Variants in TCF12 observed in about 807,000 individuals in gnomAD.
TCF12 encodes DNA-binding protein HTF4.
A neutral mutation model predicts 86.0 loss-of-function variants in TCF12; 45 were observed. That is an observed-to-expected ratio of 0.52 (90% CI 0.41 to 0.67). TCF12 has a LOEUF of 0.67. TCF12 is among the 30% of genes least tolerant of loss of function. The pLI, the probability that TCF12 is intolerant of heterozygous loss-of-function variation, is 0.00. For synonymous variants in TCF12, 330 were observed against 299.6 expected, an observed-to-expected ratio of 1.10 and a Z score of -1.05; for missense variants, 881 against 859.9, an observed-to-expected ratio of 1.02 and a Z score of -0.31.
intron 13 of TCF12, chr15:57,248,126 T>C: frequency 2.8e-6 from 2 of 702,276 alleles, no homozygotes; most frequent in South Asian, 3.0e-5. Flanking sequence ...TTAAAAATTA[T>C]TTTAAGGATC....
At chr15:57,048,512 C>T (rs1193212737) in intron 3 of TCF12, among the ~76,000 whole-genome samples, 1 of 152,124 alleles carries the variant, frequency 6.6e-6, no homozygotes, top group African/African-American at 2.4e-5. Context: ...CTGCCCTCCT[C>T]GGCCTCCCAA....
intron 3 of TCF12, among the ~76,000 whole-genome samples, chr15:57,055,366 A>C (rs796921653): frequency 9.9e-5 from 15 of 152,146 alleles, no homozygotes; most frequent in South Asian, 4.1e-4. Context: ...GCGCCACTGC[A>C]CTCTGGCCTG....
chr15:56,986,027 T>G (rs16977178), intron 3 of TCF12, among the ~76,000 whole-genome samples: 1 of 152,144 alleles, frequency 6.6e-6, no homozygotes. Flanking sequence ...TCAGTTCTTT[T>G]GTAATGCTAT....
At chr15:57,138,260 G>A (rs2052699830) in intron 5 of TCF12, among the ~76,000 whole-genome samples, 1 of 152,174 alleles carries the variant, frequency 6.6e-6, no homozygotes, top group African/African-American at 2.4e-5. Context: ...GTTAACTAAA[G>A]ATTTCTGTTT....
chr15:57,110,241 T>C (rs1374310092), intron 5 of TCF12, among the ~76,000 whole-genome samples: 1 of 152,210 alleles, frequency 6.6e-6, no homozygotes, highest in East Asian at 1.9e-4. Flanking sequence ...CAAGGTAGGC[T>C]AAAAATAATA....
chr15:57,190,065 A>G lies in TCF12; in HGVS notation c.391-2093A>G, dbSNP rs1347129880. Among the ~76,000 whole-genome samples the G allele has an allele frequency of 2.6e-5, 4 of 152,190 alleles. No individual in the cohort carries two copies. In the East Asian group the frequency reaches 5.8e-4, roughly 22 times the overall value. On this transcript the variant is annotated intron_variant, in intron 6 of 20. Transcript: ENST00000333725. The stretch of plus-strand genomic sequence containing the variant: ...AGACAGAAATGGATTAGTGGTTGCC[A>G]TGGGCTAGGGGAGGGTGGAATGGAG...
chr15:57,283,909 T>C (rs1265613930), intron 20 of TCF12, among the ~76,000 whole-genome samples: 2 of 152,160 alleles, frequency 1.3e-5, no homozygotes, highest in African/African-American at 4.8e-5. Flanking sequence ...AGATTTCATT[T>C]AGGGTAAAAG....
chr15:57,279,414 G>A, intron 19 of TCF12, among the ~76,000 whole-genome samples: 1 of 152,168 alleles, frequency 6.6e-6, no homozygotes, highest in East Asian at 1.9e-4. Flanking sequence ...AATATGGGAA[G>A]ACATACTTCT....
chr15:57,013,391 A>G (rs867636775), intron 3 of TCF12, among the ~76,000 whole-genome samples: 3 of 152,006 alleles, frequency 2.0e-5, no homozygotes, highest in African/African-American at 4.8e-5. Context: ...GCTAACTGCA[A>G]CCTCCACTTC....
chr15:57,197,401 G>T lies in TCF12; in HGVS notation c.527-372G>T, dbSNP rs981018332. ...TCAAACTCCTGACCTCAGGTGATCC[G>T]CCCACCTTGGCTTCCCAAAGTGCTG... On this transcript the variant is annotated intron_variant, in intron 7 of 20. Transcript: ENST00000333725. Among the ~76,000 whole-genome samples the T allele has an allele frequency of 2.0e-5, 3 of 151,720 alleles. 1 individual carries two copies. Among genetic ancestry groups the T allele is most frequent in the Non-Finnish European group, 4.4e-5 (3 of 67,918 alleles).
In TCF12 at chr15:57,112,280, C is replaced by CT. The variant is rs1227636946; in HGVS notation, c.325+20392dup. Among the ~76,000 whole-genome samples, 5 of 152,184 alleles carry CT rather than the reference C, an allele frequency of 3.3e-5. 1 individual carries two copies. In the South Asian group the frequency reaches 1.0e-3, roughly 31 times the overall value. ...TCACTTGAATTTTCAGGTGATCTGA[C>CT]TTTCCAGTGATCTAAGACTGTAGTG... On this transcript the variant is annotated intron_variant, in intron 5 of 20. Transcript: ENST00000333725.
rs1275633220 is a variant in TCF12 at position 56,921,048 on chromosome 15, G to C, written c.98G>C (p.Ser33Thr). The change falls in exon 3 of 21, where the codon AGT becomes ACT. Residue 33 changes from serine (S) to threonine (T), a missense_variant. Physicochemically the swap from Ser to Thr is moderately conservative, Grantham distance 58 (BLOSUM62 1). Around this residue, in one of 3 missense-constraint regions of TCF12, gnomAD observed 766 missense variants for 718.9 expected, o/e 1.07. Coordinates refer to ENST00000333725, the MANE Select transcript of TCF12 (RefSeq NM_207037.2). ...CAGATGTTTTCCCCACCTGTTAATA[G>C]TGGGAAAACTAGACCAACTACACTG... ...FSAMFSPPVN[S>T]GKTRPTTLGS... The C allele has an allele frequency of 1.2e-6, 2 of 1,605,218 alleles. No homozygotes were observed. Among genetic ancestry groups the C allele is most frequent in the Non-Finnish European group, 1.7e-6 (2 of 1,175,132 alleles).
intron 3 of TCF12, among the ~76,000 whole-genome samples, chr15:56,973,152 A>C (rs115462326): frequency 0.012 from 1,766 of 152,226 alleles, 32 homozygotes; most frequent in African/African-American, 0.04. Flanking sequence ...GTATCAATGT[A>C]AACTCATTTC....
chr15:56,985,012 C>A (rs1254038282), intron 3 of TCF12, among the ~76,000 whole-genome samples: 1 of 152,158 alleles, frequency 6.6e-6, no homozygotes, highest in Non-Finnish European at 1.5e-5. Flanking sequence ...AACTAAAAGT[C>A]AGGCCCTGAA....
chr15:57,255,891 G>A (rs1240102377), intron 16 of TCF12, among the ~76,000 whole-genome samples: 1 of 152,198 alleles, frequency 6.6e-6, no homozygotes, highest in African/African-American at 2.4e-5. Flanking sequence ...TAGTGCCACA[G>A]CAACTAGCCC....
At chr15:56,989,037 A>G (rs368116309) in intron 3 of TCF12, among the ~76,000 whole-genome samples, 14 of 152,316 alleles carry the variant, frequency 9.2e-5, no homozygotes, top group East Asian at 3.9e-4. Flanking sequence ...TATAAAAAAT[A>G]AAGATTTTAA....
intron 3 of TCF12, among the ~76,000 whole-genome samples, chr15:57,037,360 G>C: frequency 6.6e-6 from 1 of 152,252 alleles, no homozygotes; most frequent in African/African-American, 2.4e-5. Flanking sequence ...AGAATCGCTT[G>C]AACCCAGGAG....
chr15:57,174,584 A>T (rs185847435), intron 6 of TCF12, among the ~76,000 whole-genome samples: 304 of 152,344 alleles, frequency 2.0e-3, no homozygotes, highest in African/African-American at 7.0e-3. Flanking sequence ...ATTGAAAAGG[A>T]GTAAGTTGAA....
At chr15:57,228,608 T>C (rs1375975051) in intron 8 of TCF12, among the ~76,000 whole-genome samples, 1 of 152,092 alleles carries the variant, frequency 6.6e-6, no homozygotes, top group African/African-American at 2.4e-5. Flanking sequence ...ATCTTAGTTT[T>C]CTTGCTCTCC....
Sources: allele counts gnomAD v4.1 joint callset (sites outside exome capture counted in the v4.1 genomes callset), GRCh38; gene constraint gnomAD v4.1.1; regional missense constraint gnomAD v4.1.1; transcripts MANE v1.5; gene names NCBI Gene and HGNC (gene_info 2026-07-23, HGNC 2026-07-21).